Variants in SPON1 observed in about 807,000 individuals in gnomAD.
SPON1 encodes spondin-1.
A neutral mutation model predicts 111.7 loss-of-function variants in SPON1; 52 were observed. The ratio of observed to expected loss-of-function variants is 0.47; its 90% CI spans 0.37 to 0.59. The LOEUF is 0.59. Ranked by LOEUF, SPON1 falls within the 20% of genes least tolerant of loss-of-function variation. The pLI is 0.00. For synonymous variants in SPON1, 410 were observed against 395.8 expected (o/e 1.04, Z -0.43); for missense variants, 957 against 1,068.5 (o/e 0.90, Z 1.46).
At position 14,210,549 on chromosome 11, in the gene SPON1, G is replaced by A. The variant is rs987160327; in HGVS notation, c.826-32783G>A. The stretch of plus-strand genomic sequence containing the variant: ...GAGTAGCTGGGACTTACAGGCACAA[G>A]CCACCATGCCTGGCTAATTTTTATA... On this transcript the variant is annotated intron_variant, in intron 6 of 15. Transcript: ENST00000576479. 2.2e-4 allele frequency among the ~76,000 whole-genome samples: 34 copies of A among 151,852 alleles called. 1 individual carries two copies. The highest frequency in any genetic ancestry group is 3.2e-3 in the Middle Eastern group (1 of 314).
chr11:14,171,065 A>C (rs1450451143), intron 6 of SPON1, among the ~76,000 whole-genome samples: 1 of 152,194 alleles, frequency 6.6e-6, no homozygotes, highest in African/African-American at 2.4e-5. Context: ...TTTCAGAAGG[A>C]ATGGTACCAG....
At chr11:14,226,539 G>T (rs548015474) in intron 6 of SPON1, among the ~76,000 whole-genome samples, 20 of 152,202 alleles carry the variant, frequency 1.3e-4, no homozygotes, top group African/African-American at 4.8e-4. Flanking sequence ...CCTCAGAAAA[G>T]GTCAAAATTC....
intron 2 of SPON1, among the ~76,000 whole-genome samples, chr11:14,026,121 A>G (rs1328170489): frequency 6.6e-6 from 1 of 152,112 alleles, no homozygotes; most frequent in East Asian, 1.9e-4. Context: ...TTGCCTCCCT[A>G]CAGCAGAGGG....
rs201690478 is a variant in SPON1 at position 14,075,392 on chromosome 11, C to G, written c.527C>G (p.Ser176Cys). 427 of 1,559,616 alleles carry G rather than the reference C, an allele frequency of 2.7e-4. 1 individual carries two copies. The highest frequency in any genetic ancestry group is 3.3e-4 in the Non-Finnish European group (381 of 1,150,862). The change falls in exon 4 of 16, where the codon TCT (serine) becomes TGT (cysteine). Residue 176 changes from serine to cysteine, a missense_variant. By Grantham distance (112) the Ser-to-Cys change is moderately radical. Around this residue, in one of 5 missense-constraint regions of SPON1, gnomAD observed 262 missense variants for 253.9 expected, o/e 1.03. Transcript: ENST00000576479. Reference protein sequence around the residue: ...KRIIYFQDEGSLTKKLCEQDS... With the variant: ...KRIIYFQDEGCLTKKLCEQDS... ...ATTATTTATTTTCAAGATGAGGGCT[C>G]TCTGACCAAGAAACTTTGTGAACAA...
Position 14,103,809 on chromosome 11 carries a change from G to A in SPON1, c.676+23788G>A, listed in dbSNP as rs144681754. Among the ~76,000 whole-genome samples, 514 of 152,226 alleles carry A rather than the reference G, an allele frequency of 3.4e-3. 1 individual carries two copies. Among genetic ancestry groups the A allele is most frequent in the African/African-American group, 0.012 (491 of 41,554 alleles). On this transcript the variant is annotated intron_variant, in intron 5 of 15. Transcript: ENST00000576479. ...GTTGGCAATACCTACCCTTTCTGCTGTATGTTTAATTATGCTTTTCAGTCT... is the reference window on the plus strand; with the variant it reads ...GTTGGCAATACCTACCCTTTCTGCTATATGTTTAATTATGCTTTTCAGTCT...
chr11:14,148,565 A>G (rs894147750), intron 6 of SPON1, among the ~76,000 whole-genome samples: 5 of 152,332 alleles, frequency 3.3e-5, no homozygotes, highest in Non-Finnish European at 7.3e-5. Context: ...GGGTCTTGGT[A>G]GATCGTTCTC....
chr11:14,135,275 T>G lies in SPON1; in HGVS notation c.677-145T>G. 1.2e-6 allele frequency: 1 copy of G among 865,068 alleles called. No homozygotes were observed. Among genetic ancestry groups the G allele is most frequent in the African/African-American group, 1.7e-5 (1 of 59,828 alleles). The allele number at this position is 865,068 out of a possible 1,614,324, so 53.6% of individuals were successfully genotyped here. A position where few individuals can be genotyped will look rare whatever the true frequency, so the allele number is the denominator to read the frequency against. On this transcript the variant is annotated intron_variant, in intron 5 of 15. Transcript: ENST00000576479. The surrounding 1 kb of genome is among the most constrained non-coding windows in gnomAD (Gnocchi z 4.4). ...GCTTATAGGAACTCAGTCTTATCAC[T>G]GAATGGCACAGGGCCTAAGACAGAA...
At chr11:14,141,029 C>CCCCCCCCGCCCCCCCCCCCCA (rs71041572) in intron 6 of SPON1, among the ~76,000 whole-genome samples, 1 of 132,274 alleles carries the variant, frequency 7.6e-6, no homozygotes, top group Non-Finnish European at 1.6e-5. Context: ...GTGCCCCCCC[C>CCCCCCCCGCCCCCCCCCCCCA]ATGCCCCACT....
chr11:14,078,414 G>C (rs1848934920), intron 4 of SPON1, among the ~76,000 whole-genome samples: 1 of 152,142 alleles, frequency 6.6e-6, no homozygotes, highest in Admixed American at 6.5e-5. Flanking sequence ...TGAAACCTCA[G>C]CATGTATCTC....
At chr11:14,069,840 C>T (rs1554920728) in intron 3 of SPON1, among the ~76,000 whole-genome samples, 1 of 46,032 alleles carries the variant, frequency 2.2e-5, no homozygotes, top group East Asian at 4.3e-4. Context: ...ACTCTATCTA[C>T]AAGTCATGGA....
At chr11:14,203,314 C>A (rs1224386560) in intron 6 of SPON1, among the ~76,000 whole-genome samples, 1 of 152,128 alleles carries the variant, frequency 6.6e-6, no homozygotes, top group East Asian at 1.9e-4. Flanking sequence ...TTCTTTGGCT[C>A]CATTAACCCC....
chr11:14,140,825 G>A (rs1847645369), intron 6 of SPON1, among the ~76,000 whole-genome samples: 1 of 151,938 alleles, frequency 6.6e-6, no homozygotes, highest in Non-Finnish European at 1.5e-5. Flanking sequence ...TCTCAGATTG[G>A]AATTGCCCAC....
At chr11:14,260,862 G>C (rs185863624) in intron 14 of SPON1, 110 bp downstream of exon 14, 1 of 1,277,166 alleles carries the variant, frequency 7.8e-7, no homozygotes, top group Non-Finnish European at 1.1e-6. Flanking sequence ...TGGTTTGCTG[G>C]GGAAGAGTTT....
chr11:14,174,051 G>A (rs1439173895), intron 6 of SPON1, among the ~76,000 whole-genome samples: 1 of 152,190 alleles, frequency 6.6e-6, no homozygotes, highest in African/African-American at 2.4e-5. Context: ...GGCCAGGAAA[G>A]CATGCATTTC....
At chr11:14,114,761 A>G (rs1212568849) in intron 5 of SPON1, among the ~76,000 whole-genome samples, 7 of 152,026 alleles carry the variant, frequency 4.6e-5, no homozygotes, top group African/African-American at 1.7e-4. Context: ...CACTTTCCAC[A>G]CTGCACTGTA....
intron 1 of SPON1, among the ~76,000 whole-genome samples, chr11:13,973,837 G>A (rs942744268): frequency 6.6e-6 from 1 of 152,280 alleles, no homozygotes; most frequent in Non-Finnish European, 1.5e-5. Context: ...AATAAACAGG[G>A]AAATTTGAAC....
chr11:14,161,277 CTA>C (rs1847959130), intron 6 of SPON1, among the ~76,000 whole-genome samples: 1 of 18,410 alleles, frequency 5.4e-5, no homozygotes, highest in South Asian at 1.5e-3. Context: ...ATCTGTATAT[CTA>C]TATATATTTA....
At chr11:14,231,111 C>A (rs1354809429) in intron 6 of SPON1, among the ~76,000 whole-genome samples, 1 of 151,670 alleles carries the variant, frequency 6.6e-6, no homozygotes, top group Non-Finnish European at 1.5e-5. Flanking sequence ...CTGTGCCCAG[C>A]CGCCACTTTT....
chr11:14,030,324 A>C (rs1848548949), intron 2 of SPON1, among the ~76,000 whole-genome samples: 1 of 152,230 alleles, frequency 6.6e-6, no homozygotes. Context: ...CTGTGCTCCT[A>C]ATATGTGAAA....
Sources: allele counts gnomAD v4.1 joint callset (sites outside exome capture counted in the v4.1 genomes callset), GRCh38; gene constraint gnomAD v4.1.1; regional missense constraint gnomAD v4.1.1; non-coding constraint Gnocchi (gnomAD v3.1); transcripts MANE v1.5; gene names NCBI Gene and HGNC (gene_info 2026-07-23, HGNC 2026-07-21).